Variants in DICER1 observed in about 807,000 individuals in gnomAD.
DICER1 encodes the protein dicer 1, ribonuclease III.
Under a neutral mutation model 194.1 loss-of-function variants are expected in DICER1, and 43 were observed. That is an observed-to-expected ratio of 0.22 (90% CI 0.17 to 0.29). DICER1 has a LOEUF of 0.29. Ranked by LOEUF, DICER1 falls within the 10% of genes least tolerant of loss-of-function variation. DICER1 has a pLI of 1.00. For missense variants in DICER1, 1,608 were observed against 2,317.0 expected (o/e 0.69, Z 6.28); for synonymous variants, 832 against 820.5 (o/e 1.01, Z -0.24).
At position 95,136,969 on chromosome 14, in the gene DICER1, T is replaced by TA. The variant is rs1272575834; in HGVS notation, c.-45-3467dup. 4.6e-5 allele frequency among the ~76,000 whole-genome samples: 7 copies of TA among 152,030 alleles called. No homozygotes were observed. The East Asian group carries it at 1.4e-3, about 29-fold the overall frequency. ...CTAGCTTGAGTTGAATATTCTGGGA[T>TA]AAAAGCAAACCAAATGACACTCTCT... On this transcript the variant is annotated intron_variant, in intron 1 of 26. Transcript: ENST00000343455.
At chr14:95,120,642 C>A (rs1227871386) in intron 8 of DICER1, among the ~76,000 whole-genome samples, 6 of 152,132 alleles carry the variant, frequency 3.9e-5, no homozygotes, top group African/African-American at 1.4e-4. Flanking sequence ...GGGTGCTAAA[C>A]TCGAAGAGCT....
intron 21 of DICER1, 132 bp downstream of exon 21, chr14:95,103,214 G>T: frequency 1.0e-6 from 1 of 988,602 alleles, no homozygotes; most frequent in Non-Finnish European, 1.6e-6. Context: ...GAACAAGGGA[G>T]CAGCTGTGCT....
At chr14:95,116,420 A>G (rs1892469874) in intron 10 of DICER1, 33 bp downstream of exon 10, 1 of 1,602,906 alleles carries the variant, frequency 6.2e-7, no homozygotes, top group East Asian at 2.2e-5. Flanking sequence ...TTTTTTCCCA[A>G]TCTGCCGGCA....
Position 95,133,295 on chromosome 14 carries a change from A to G in DICER1, c.144+20T>C, listed in dbSNP as rs1229911666. 2.5e-6 allele frequency: 4 copies of G among 1,612,542 alleles called. No homozygotes were observed. The highest frequency in any genetic ancestry group is 4.5e-5 in the East Asian group (2 of 44,874). On this transcript the variant is annotated intron_variant, in intron 2 of 26. Transcript: ENST00000343455. ...CCATTTTAGTGTAGAATGCTCCAGT[A>G]TTAGTGTTCGCATTAGTACCTGATA...
intron 1 of DICER1, among the ~76,000 whole-genome samples, chr14:95,148,594 G>C (rs540262632): frequency 1.2e-4 from 18 of 152,228 alleles, no homozygotes; most frequent in Admixed American, 4.6e-4. Flanking sequence ...GTTATGTTTA[G>C]ATTTCAATAT....
rs886050944 is a variant in DICER1, at chr14:95,124,657, G to T, written c.915C>A (p.Asp305Glu). 1 of 1,612,372 alleles carries T rather than the reference G, an allele frequency of 6.2e-7. No homozygotes were observed. Among genetic ancestry groups the T allele is most frequent in the Non-Finnish European group, 8.5e-7 (1 of 1,178,918 alleles). ...STLISKQILS[D>E]CRAVLVVLGP... is the part of the protein sequence containing the mutation. Reference sequence around the variant, plus strand: ...CCAGAACTACCAATACGGCACGACAGTCTGATAGTATCTACAAAAAAAAGA... The same window carrying T: ...CCAGAACTACCAATACGGCACGACATTCTGATAGTATCTACAAAAAAAAGA... Residue 305 changes from aspartate (D) to glutamate (E), a missense_variant, in exon 8 of 27, where the codon GAC becomes GAA. Asp to Glu is a conservative substitution (Grantham distance 45). This residue lies in a region of DICER1 where 657 missense variants were observed against 910.1 expected (regional missense o/e 0.72). Transcript: ENST00000343455. This position sits in a 1 kb window ranked among gnomAD's most constrained non-coding sequence, Gnocchi z 4.5.
At chr14:95,123,073 G>A (rs1268656362) in intron 8 of DICER1, among the ~76,000 whole-genome samples, 2 of 152,024 alleles carry the variant, frequency 1.3e-5, no homozygotes, top group Non-Finnish European at 2.9e-5. Flanking sequence ...GCCAATTAAT[G>A]GATCTCATAG....
intron 6 of DICER1, among the ~76,000 whole-genome samples, chr14:95,127,928 C>T (rs1042721990): frequency 1.1e-4 from 16 of 152,296 alleles, no homozygotes; most frequent in Admixed American, 2.6e-4. Flanking sequence ...TTCGCAGAAG[C>T]GGAAAGAAGA....
Position 95,096,190 on chromosome 14 carries a change from C to A in DICER1, c.4730G>T (p.Arg1577Met), listed in dbSNP as rs1447972626. 1 of 1,614,220 alleles carries A rather than the reference C, an allele frequency of 6.2e-7. No homozygotes were observed. The highest frequency in any genetic ancestry group is 1.1e-5 in the South Asian group (1 of 91,086). ...LGCYLTSCGE[R>M]AAQLFLCSLG... Reference sequence around the variant, plus strand: ...TGAACAGAGGAAAAGCTGAGCAGCCCTCTCCCCACAGCTGGTTAAATAGCA... The same window carrying A: ...TGAACAGAGGAAAAGCTGAGCAGCCATCTCCCCACAGCTGGTTAAATAGCA... Residue 1577 changes from arginine (R) to methionine (M), a missense_variant, in exon 23 of 27, where the codon AGG becomes ATG. Physicochemically the swap from Arg to Met is moderately conservative, Grantham distance 91. Around this residue, in one of 10 missense-constraint regions of DICER1, gnomAD observed 125 missense variants for 134.9 expected, o/e 0.93. Transcript: ENST00000343455.
In DICER1 at chr14:95,096,231, C is replaced by T. The variant is rs1890319170; in HGVS notation, c.4689G>A (p.Val1563=). ...TTAAATAGCAGCCCAGCAGGGCTTC[C>T]ACACAGTCCGCTATGCTTTTGTCAG... The part of the protein sequence containing the change: ...CIADKSIADC[V]EALLGCYLTS... The change falls in exon 23 of 27, where the codon GTG becomes GTA. Residue 1563 remains valine (V), a synonymous_variant. Transcript: ENST00000343455. 2 of 1,614,090 alleles carry T rather than the reference C, an allele frequency of 1.2e-6. No homozygotes were observed. Among genetic ancestry groups the T allele is most frequent in the Non-Finnish European group, 8.5e-7 (1 of 1,180,044 alleles).
rs552322819 is a variant in DICER1 at position 95,087,659 on chromosome 14, T to C, written c.*2839A>G. 4.3e-6 allele frequency: 1 copy of C among 233,198 alleles called. No homozygotes were observed. The highest frequency in any genetic ancestry group is 5.6e-5 in the Admixed American group (1 of 17,798). 14.4% of individuals were successfully genotyped at this position (233,198 alleles called of 1,614,324 possible). A position where few individuals can be genotyped will look rare whatever the true frequency, so the allele number is the denominator to read the frequency against. ...GAAAAAGCTATTATAAAACGCAGCA[T>C]AGTTAGGACTGCGGAAAGCATATTA... On this transcript the variant is annotated 3_prime_UTR_variant, in exon 27 of 27. Transcript: ENST00000343455.
chr14:95,154,807 T>C (rs922719677), intron 1 of DICER1, among the ~76,000 whole-genome samples: 3 of 150,714 alleles, frequency 2.0e-5, no homozygotes, highest in African/African-American at 7.4e-5. Flanking sequence ...ATGTACTGTA[T>C]GCCAGCTAGT....
intron 5 of DICER1, 83 bp downstream of exon 5, chr14:95,129,975 A>T: frequency 7.7e-7 from 1 of 1,292,922 alleles, no homozygotes; most frequent in Non-Finnish European, 1.1e-6. Context: ...AACTAATATT[A>T]TTGCTTTTGA....
intron 1 of DICER1, among the ~76,000 whole-genome samples, chr14:95,149,660 T>C (rs915854886): frequency 6.6e-6 from 1 of 152,230 alleles, no homozygotes; most frequent in Admixed American, 6.5e-5. Flanking sequence ...GTTCATGATT[T>C]GTTTGATTTT....
chr14:95,107,695 C>A lies in DICER1; in HGVS notation c.2717G>T (p.Arg906Leu), dbSNP rs150510758. 6.2e-7 allele frequency: 1 copy of A among 1,613,556 alleles called. No homozygotes were observed. The highest frequency in any genetic ancestry group is 8.5e-7 in the Non-Finnish European group (1 of 1,179,530). ...ATACTTTGTACTGGGAATGCCTATG[C>A]GAGCTTCAGACTTCTCAATATCTTC... ...FMEDIEKSEA[R>L]IGIPSTKYTK... The change falls in exon 17 of 27, where the codon CGC becomes CTC. Residue 906 changes from arginine (R) to leucine (L), a missense_variant. Arg to Leu is a moderately radical substitution (Grantham distance 102, BLOSUM62 -2). Around this residue, in one of 10 missense-constraint regions of DICER1, gnomAD observed 150 missense variants for 216.0 expected, o/e 0.69. Transcript: ENST00000343455.
chr14:95,090,162 A>C lies in DICER1; in HGVS notation c.*336T>G, dbSNP rs541589888. On this transcript the variant is annotated 3_prime_UTR_variant, in exon 27 of 27. Coordinates refer to ENST00000343455, the MANE Select transcript of DICER1 (RefSeq NM_177438.3). ...GGCCTTCTAACACTAAGCAAAGCTG[A>C]CATAAACTCAAAAAAAAAAAAACAA... 3.3e-4 allele frequency: 130 copies of C among 388,072 alleles called. No individual in the cohort carries two copies. Among genetic ancestry groups the C allele is most frequent in the African/African-American group, 2.8e-3 (123 of 44,660 alleles). The allele number at this position is 388,072 out of a possible 1,614,324, so 24.0% of individuals were successfully genotyped here.
intron 21 of DICER1, among the ~76,000 whole-genome samples, chr14:95,101,065 ATG>A (rs1254276236): frequency 6.6e-6 from 1 of 152,230 alleles, no homozygotes; most frequent in Non-Finnish European, 1.5e-5. Context: ...GTTGACAGAA[ATG>A]GTGGGCAGGA....
At chr14:95,144,046 T>G (rs1433811325) in intron 1 of DICER1, among the ~76,000 whole-genome samples, 2 of 152,184 alleles carry the variant, frequency 1.3e-5, no homozygotes, top group Non-Finnish European at 1.5e-5. Flanking sequence ...CCTACTTCCC[T>G]TTTCTAAGTT....
chr14:95,142,032 T>C (rs1382316446), intron 1 of DICER1, among the ~76,000 whole-genome samples: 1 of 152,186 alleles, frequency 6.6e-6, no homozygotes, highest in African/African-American at 2.4e-5. Flanking sequence ...TTAAACACTA[T>C]GATAAATCAG....
Sources: gnomAD v4.1 joint callset for allele counts (sites outside exome capture counted in the v4.1 genomes callset) on GRCh38, gnomAD v4.1.1 for gene constraint, gnomAD v4.1.1 regional missense constraint, Gnocchi (gnomAD v3.1) non-coding constraint, MANE v1.5 for transcripts, NCBI Gene and HGNC (gene_info 2026-07-23, HGNC 2026-07-21) for gene names.